SND1: variants seen among roughly 807,000 people sequenced by gnomAD.
The protein encoded by SND1 is staphylococcal nuclease domain-containing protein 1.
Under a neutral mutation model 121.7 loss-of-function variants are expected in SND1, and 38 were observed. The observed-to-expected ratio is 0.31, with a 90% CI of 0.24 to 0.41. The LOEUF (loss-of-function observed/expected upper bound fraction) is 0.41. Among genes scored for constraint, SND1 ranks in the 10% least tolerant of loss-of-function variants. SND1 has a pLI of 1.00. For missense variants in SND1, 868 were observed against 1,184.6 expected, an observed-to-expected ratio of 0.73 and a Z score of 3.92; for synonymous variants, 401 against 447.4, an observed-to-expected ratio of 0.90 and a Z score of 1.31.
chr7:127,860,754 A>G (rs1467281818), intron 12 of SND1, among the ~76,000 whole-genome samples: 3 of 152,200 alleles, frequency 2.0e-5, no homozygotes, highest in Non-Finnish European at 2.9e-5. Context: ...TCTTATTGCT[A>G]GCTAACCAAA....
intron 16 of SND1, chr7:127,998,447 T>C (rs1802731440): frequency 6.3e-6 from 1 of 157,598 alleles, no homozygotes; most frequent in Non-Finnish European, 1.4e-5. Context: ...AAACCATTCG[T>C]GTCCCTTCAC....
chr7:127,799,628 T>C (rs1798092784), intron 10 of SND1, among the ~76,000 whole-genome samples: 1 of 152,208 alleles, frequency 6.6e-6, no homozygotes, highest in African/African-American at 2.4e-5. Context: ...TAGATTCCAG[T>C]TTTTAAAAAA....
At chr7:127,907,873 C>T (rs150301390) in intron 14 of SND1, among the ~76,000 whole-genome samples, 2 of 152,208 alleles carry the variant, frequency 1.3e-5, no homozygotes, top group Non-Finnish European at 2.9e-5. Context: ...GGTCAGAGTG[C>T]GTTAAAATGC....
At chr7:127,776,352 G>C (rs1453170376) in intron 10 of SND1, among the ~76,000 whole-genome samples, 1 of 151,888 alleles carries the variant, frequency 6.6e-6, no homozygotes, top group Non-Finnish European at 1.5e-5. Context: ...GGGCAGGGTG[G>C]AAAAAGTAAG....
chr7:127,859,455 CCT>C (rs1356558004), intron 12 of SND1, among the ~76,000 whole-genome samples: 1 of 152,156 alleles, frequency 6.6e-6, no homozygotes, highest in Non-Finnish European at 1.5e-5. Context: ...GTTTGCTGTT[CCT>C]GAAATAATAC....
chr7:127,920,090 AT>A (rs1462308481), intron 14 of SND1, among the ~76,000 whole-genome samples: 1 of 152,224 alleles, frequency 6.6e-6, no homozygotes, highest in East Asian at 1.9e-4. Flanking sequence ...TATTTCAAAA[AT>A]ATAGTACATT....
chr7:127,817,721 CTTTTTTTTTTTTTTTT>C (rs72233818), intron 11 of SND1, among the ~76,000 whole-genome samples: 2 of 104,074 alleles, frequency 1.9e-5, no homozygotes, highest in Admixed American at 1.0e-4. Context: ...TTCCTTCATA[CTTTTTTTTTTTTTTTT>C]TTTTTTTTTT....
chr7:127,974,537 A>AC (rs1333750396), intron 15 of SND1, among the ~76,000 whole-genome samples: 2 of 152,138 alleles, frequency 1.3e-5, no homozygotes, highest in Admixed American at 1.3e-4. Flanking sequence ...AAATGAGCCC[A>AC]CTTTTTATGC....
chr7:127,739,817 A>G (rs1455286161), intron 10 of SND1, among the ~76,000 whole-genome samples: 1 of 152,216 alleles, frequency 6.6e-6, no homozygotes, highest in African/African-American at 2.4e-5. Context: ...TGCTTCAGAC[A>G]TTCTTTAGCA....
chr7:128,091,772 G>C lies in SND1; in HGVS notation c.2623-65G>C. The C allele has an allele frequency of 1.9e-6, 3 of 1,554,000 alleles. No homozygotes were observed. In the East Asian group the frequency reaches 6.7e-5, roughly 35 times the overall value. On this transcript the variant is annotated intron_variant, in intron 22 of 23. Transcript: ENST00000354725. ...CTGGCGCTTACCTAAGCATTCTGCA[G>C]GGTCCTGCTGGCTGATCATTTGAGG...
At chr7:127,759,317 A>G (rs974111610) in intron 10 of SND1, among the ~76,000 whole-genome samples, 3 of 152,186 alleles carry the variant, frequency 2.0e-5, no homozygotes, top group East Asian at 1.9e-4. Context: ...ATTTTTATCA[A>G]TATGGACTCT....
intron 12 of SND1, among the ~76,000 whole-genome samples, chr7:127,846,422 C>G (rs1030464861): frequency 6.6e-5 from 10 of 152,078 alleles, no homozygotes; most frequent in African/African-American, 2.4e-4. Flanking sequence ...GTTTTTCATC[C>G]TGAACTATAG....
chr7:127,855,621 T>C lies in SND1; in HGVS notation c.1343+11197T>C, dbSNP rs112395119. On this transcript the variant is annotated intron_variant, in intron 12 of 23. Transcript: ENST00000354725. ...ACTGCATTTTAAATGTTTAGCATAGTGACTAAGACATAACAATCAAATACT... is the reference window on the plus strand; with the variant it reads ...ACTGCATTTTAAATGTTTAGCATAGCGACTAAGACATAACAATCAAATACT... Among the ~76,000 whole-genome samples, 430 of 152,282 alleles carry C rather than the reference T, an allele frequency of 2.8e-3. 1 individual carries two copies. Among genetic ancestry groups the C allele is most frequent in the African/African-American group, 1.0e-2 (415 of 41,552 alleles).
chr7:127,843,476 C>T (rs1164716101), intron 11 of SND1, among the ~76,000 whole-genome samples: 4 of 152,178 alleles, frequency 2.6e-5, no homozygotes, highest in East Asian at 1.9e-4. Flanking sequence ...TCTAGAATGT[C>T]GTATAGTTGG....
At chr7:128,084,593 G>A in intron 18 of SND1, 131 bp from the exon 19 acceptor site, 2 of 954,990 alleles carry the variant, frequency 2.1e-6, no homozygotes, top group Non-Finnish European at 1.5e-6. Context: ...ATGGGTTGGG[G>A]ACAGAGCCAG....
At chr7:127,950,146 C>T (rs1383960282) in intron 15 of SND1, among the ~76,000 whole-genome samples, 3 of 152,178 alleles carry the variant, frequency 2.0e-5, no homozygotes, top group African/African-American at 7.2e-5. Context: ...TAGCAAGTTT[C>T]CAGACGATGT....
chr7:127,977,969 G>A (rs947887933), intron 15 of SND1, among the ~76,000 whole-genome samples: 2 of 152,094 alleles, frequency 1.3e-5, no homozygotes, highest in South Asian at 2.1e-4. Context: ...AGATGAGTTT[G>A]GTTTTAAGAC....
chr7:127,658,120 CA>C (rs1177213267), intron 1 of SND1, among the ~76,000 whole-genome samples: 1 of 151,990 alleles, frequency 6.6e-6, no homozygotes, highest in Non-Finnish European at 1.5e-5. Context: ...AAGACTAGCC[CA>C]ACCAACATGG....
At position 128,052,992 on chromosome 7, in the gene SND1, A is replaced by T. The variant is rs2117023095; in HGVS notation, c.1780-21510A>T. Among the ~76,000 whole-genome samples the T allele has an allele frequency of 6.6e-6, 1 of 152,380 alleles. No homozygotes were observed. Among genetic ancestry groups the T allele is most frequent in the South Asian group, 2.1e-4 (1 of 4,834 alleles). On this transcript the variant is annotated intron_variant, in intron 16 of 23. Coordinates refer to ENST00000354725, the MANE Select transcript of SND1 (RefSeq NM_014390.4). This position sits in a 1 kb window ranked among gnomAD's most constrained non-coding sequence, Gnocchi z 4.6. ...AAACTGGTTGGTATAAAAATAGAGC[A>T]TAAATCAAATGCATTGAATAAAAAA...
Sources: gnomAD v4.1 joint callset for allele counts (sites outside exome capture counted in the v4.1 genomes callset) on GRCh38, gnomAD v4.1.1 for gene constraint, Gnocchi (gnomAD v3.1) non-coding constraint, MANE v1.5 for transcripts, NCBI Gene and HGNC (gene_info 2026-07-23, HGNC 2026-07-21) for gene names.